Variants in MEGF11 observed in about 807,000 individuals in gnomAD.
MEGF11 encodes multiple EGF like domains 11.
MEGF11 carries 126 observed loss-of-function variants against 146.6 expected under a neutral mutation model. The ratio of observed to expected loss-of-function variants is 0.86; its 90% CI spans 0.74 to 1.00. The LOEUF (loss-of-function observed/expected upper bound fraction) is 1.00, where lower values mean the gene tolerates loss of function less well. MEGF11 is among the 50% of genes least tolerant of loss of function. The probability of loss-of-function intolerance (pLI) is 0.00; values close to 1 mark genes in which losing one functional copy is unlikely to be tolerated. For synonymous variants in MEGF11, 532 were observed against 583.4 expected, an observed-to-expected ratio of 0.91 and a Z score of 1.27; for missense variants, 1,509 against 1,521.2, an observed-to-expected ratio of 0.99 and a Z score of 0.13.
intron 1 of MEGF11, among the ~76,000 whole-genome samples, chr15:66,152,263 C>A (rs1399048199): frequency 6.6e-6 from 1 of 152,060 alleles, no homozygotes; most frequent in East Asian, 1.9e-4. Flanking sequence ...TCAATGCATC[C>A]CTAGTGCCCT....
At chr15:65,964,068 A>G (rs1051200084) in intron 9 of MEGF11, among the ~76,000 whole-genome samples, 25 of 152,190 alleles carry the variant, frequency 1.6e-4, no homozygotes, top group Admixed American at 3.3e-4. Context: ...TTCATCACCC[A>G]GATAAGAGGC....
chr15:65,982,575 C>T lies in MEGF11; in HGVS notation c.395-87G>A, dbSNP rs1205953365. ...AGGAACCGATGCCCATGCGGCCTTC[C>T]CATCTTTGCAGCGCTGCTCCCCGGA... On this transcript the variant is annotated intron_variant, in intron 5 of 25. Coordinates refer to ENST00000395614, the MANE Select transcript of MEGF11 (RefSeq NM_001385028.1). This position sits in a 1 kb window ranked among gnomAD's most constrained non-coding sequence, Gnocchi z 5.6. 24 of 1,386,940 alleles carry T rather than the reference C, an allele frequency of 1.7e-5. No homozygotes were observed. The highest frequency in any genetic ancestry group is 2.2e-5 in the Non-Finnish European group (23 of 1,068,292). The allele number at this position is 1,386,940 out of a possible 1,614,324, so 85.9% of individuals were successfully genotyped here. A position where few individuals can be genotyped will look rare whatever the true frequency, so the allele number is the denominator to read the frequency against.
intron 1 of MEGF11, among the ~76,000 whole-genome samples, chr15:66,169,887 C>T (rs1597132969): frequency 6.6e-6 from 1 of 152,298 alleles, no homozygotes; most frequent in African/African-American, 2.4e-5. Flanking sequence ...GCCAGTCCTT[C>T]TCCAAGCTCC....
intron 5 of MEGF11, among the ~76,000 whole-genome samples, chr15:66,077,321 T>C (rs1435551613): frequency 6.6e-6 from 1 of 152,226 alleles, no homozygotes; most frequent in Non-Finnish European, 1.5e-5. Flanking sequence ...TTCTACCATA[T>C]TTTTAGCATC....
chr15:65,976,882 A>G (rs2081466071), intron 7 of MEGF11, among the ~76,000 whole-genome samples: 1 of 152,206 alleles, frequency 6.6e-6, no homozygotes, highest in Admixed American at 6.5e-5. Flanking sequence ...GGCCAGGTCC[A>G]GTCGCTCATG....
intron 5 of MEGF11, among the ~76,000 whole-genome samples, chr15:65,992,765 A>G (rs1243353112): frequency 1.3e-5 from 2 of 152,010 alleles, no homozygotes; most frequent in African/African-American, 4.8e-5. Flanking sequence ...CTTTGCAGGT[A>G]TGATCTTGTT....
chr15:66,065,241 T>C (rs1475030473), intron 5 of MEGF11, among the ~76,000 whole-genome samples: 3 of 149,368 alleles, frequency 2.0e-5, no homozygotes, highest in African/African-American at 7.4e-5. Flanking sequence ...CTTTGCAGCA[T>C]ACACAATAAG....
chr15:66,240,304 G>A (rs1427874158), intron 1 of MEGF11, among the ~76,000 whole-genome samples: 4 of 152,186 alleles, frequency 2.6e-5, no homozygotes, highest in Non-Finnish European at 5.9e-5. Flanking sequence ...CTGAATTTTC[G>A]GAGACACAGA....
At position 65,980,797 on chromosome 15, in the gene MEGF11, G is replaced by A; in HGVS notation, c.743C>T (p.Ala248Val). Residue 248 changes from alanine to valine, a missense_variant, in exon 7 of 26, where the codon GCC (alanine) becomes GTC (valine). Coordinates refer to ENST00000395614, the MANE Select transcript of MEGF11 (RefSeq NM_001385028.1). ...ACTTACCGTCCAGCCTGGGGGGCAG[G>A]CACACTCGCCAGTGATGTGGTGGCA... is the stretch of plus-strand genomic sequence containing the variant. ...GTCHHITGEC[A>V]CPPGWTGAVC... The A allele has an allele frequency of 1.2e-6, 2 of 1,606,010 alleles. No individual in the cohort carries two copies. Among genetic ancestry groups the A allele is most frequent in the Admixed American group, 1.7e-5 (1 of 59,026 alleles).
At chr15:66,088,158 A>G (rs1468863922) in intron 5 of MEGF11, among the ~76,000 whole-genome samples, 1 of 152,202 alleles carries the variant, frequency 6.6e-6, no homozygotes, top group Non-Finnish European at 1.5e-5. Flanking sequence ...GACAAATAAC[A>G]AGCAGTGACA....
intron 4 of MEGF11, among the ~76,000 whole-genome samples, chr15:66,096,789 T>C (rs948516121): frequency 7.9e-5 from 12 of 152,210 alleles, no homozygotes; most frequent in African/African-American, 2.7e-4. Context: ...CCAGCCCATC[T>C]GCCTACCACC....
intron 1 of MEGF11, among the ~76,000 whole-genome samples, chr15:66,216,423 A>G (rs1389775253): frequency 6.6e-6 from 1 of 152,208 alleles, no homozygotes; most frequent in Non-Finnish European, 1.5e-5. Context: ...CCCTTCAGCC[A>G]GAGATCTTCC....
rs575003887 is a variant in MEGF11 at position 65,912,076 on chromosome 15, C to G, written c.2829+6G>C. 8.1e-7 allele frequency: 1 copy of G among 1,229,952 alleles called. No individual in the cohort carries two copies. The highest frequency in any genetic ancestry group is 3.2e-5 in the East Asian group (1 of 31,696). 76.2% of individuals were successfully genotyped at this position (1,229,952 alleles called of 1,614,324 possible). A position where few individuals can be genotyped will look rare whatever the true frequency, so the allele number is the denominator to read the frequency against. On this transcript the variant is annotated splice_donor_region_variant and intron_variant, in intron 21 of 25. Coordinates refer to ENST00000395614, the MANE Select transcript of MEGF11 (RefSeq NM_001385028.1). ...AGTGGGGGCTGGGGAATCAGGGGCCCGGTACCTTGGTGGGGCTGTTCCTGT... is the reference window on the plus strand; with the variant it reads ...AGTGGGGGCTGGGGAATCAGGGGCCGGGTACCTTGGTGGGGCTGTTCCTGT...
chr15:66,004,238 A>G (rs2082454206), intron 5 of MEGF11, among the ~76,000 whole-genome samples: 1 of 152,064 alleles, frequency 6.6e-6, no homozygotes, highest in Admixed American at 6.5e-5. Flanking sequence ...CTCCCCCTAG[A>G]CCTTGTTTTC....
At chr15:65,978,858 C>A (rs2081539027) in intron 7 of MEGF11, among the ~76,000 whole-genome samples, 1 of 152,204 alleles carries the variant, frequency 6.6e-6, no homozygotes. Flanking sequence ...TCACTCCTAA[C>A]CACCAGTGTG....
chr15:66,237,532 C>T (rs77262154), intron 1 of MEGF11, among the ~76,000 whole-genome samples: 259 of 152,324 alleles, frequency 1.7e-3, no homozygotes, highest in Non-Finnish European at 3.0e-3. Context: ...CCAGGTCCAC[C>T]GTCCTGTGGG....
chr15:66,042,783 C>G (rs771179919), intron 5 of MEGF11, among the ~76,000 whole-genome samples: 1 of 152,146 alleles, frequency 6.6e-6, no homozygotes, highest in Non-Finnish European at 1.5e-5. Flanking sequence ...CATGGGATCC[C>G]CCATTTGCAT....
intron 1 of MEGF11, among the ~76,000 whole-genome samples, chr15:66,203,336 A>G (rs2091218009): frequency 6.6e-6 from 1 of 152,200 alleles, no homozygotes; most frequent in Non-Finnish European, 1.5e-5. Flanking sequence ...GGGAAAAGTC[A>G]CTTTGAATTG....
chr15:66,039,322 C>T (rs566236645), intron 5 of MEGF11, among the ~76,000 whole-genome samples: 9 of 152,290 alleles, frequency 5.9e-5, no homozygotes, highest in South Asian at 2.1e-4. Context: ...AGGCTTTGCT[C>T]AGAGCAGGTC....
Sources: gnomAD v4.1 joint callset for allele counts (sites outside exome capture counted in the v4.1 genomes callset) on GRCh38, gnomAD v4.1.1 for gene constraint, Gnocchi (gnomAD v3.1) non-coding constraint, MANE v1.5 for transcripts, NCBI Gene and HGNC (gene_info 2026-07-23, HGNC 2026-07-21) for gene names.